Variants in ALG14 observed in about 807,000 individuals in gnomAD.
The protein encoded by ALG14 is ALG14 UDP-N-acetylglucosaminyltransferase subunit, also known as UDP-N-acetylglucosamine transferase subunit ALG14.
In ALG14, 17 loss-of-function variants were observed where a neutral mutation model predicts 22.8. The observed-to-expected ratio is 0.75, with a 90% confidence interval of 0.51 to 1.12. The LOEUF (loss-of-function observed/expected upper bound fraction) is 1.12. Among genes scored for constraint, ALG14 ranks in the 50% most tolerant of loss-of-function variants. ALG14 has a pLI of 0.00. For synonymous variants in ALG14, 89 were observed against 103.7 expected (o/e 0.86, Z 0.86); for missense variants, 288 against 271.8 (o/e 1.06, Z -0.42).
chr1:95,030,215 C>T (rs1429567968), intron 2 of ALG14, among the ~76,000 whole-genome samples: 1 of 152,056 alleles, frequency 6.6e-6, no homozygotes, highest in Non-Finnish European at 1.5e-5. Context: ...TGCAACAATA[C>T]ATGAATATTC....
chr1:94,985,121 C>T (rs1178834860), intron 3 of ALG14, among the ~76,000 whole-genome samples: 2 of 151,988 alleles, frequency 1.3e-5, no homozygotes, highest in African/African-American at 2.4e-5. Context: ...TGCTTCAGGT[C>T]ACTTTTTTTT....
intron 2 of ALG14, among the ~76,000 whole-genome samples, chr1:95,051,731 C>T (rs1266981474): frequency 6.6e-6 from 1 of 152,192 alleles, no homozygotes; most frequent in Non-Finnish European, 1.5e-5. Context: ...GGCCCCACCT[C>T]AGGGCCTTCT....
chr1:95,029,241 G>C (rs1673921011), intron 2 of ALG14, among the ~76,000 whole-genome samples: 1 of 152,172 alleles, frequency 6.6e-6, no homozygotes, highest in African/African-American at 2.4e-5. Flanking sequence ...TTGCTGGTTG[G>C]TGTCCTTAGT....
At chr1:95,023,604 A>C (rs1673727633) in intron 3 of ALG14, among the ~76,000 whole-genome samples, 1 of 152,256 alleles carries the variant, frequency 6.6e-6, no homozygotes, top group Non-Finnish European at 1.5e-5. Context: ...AAAGAGGCAG[A>C]GTATTAGGTT....
At chr1:94,985,670 A>G (rs1427821387) in intron 3 of ALG14, among the ~76,000 whole-genome samples, 2 of 152,340 alleles carry the variant, frequency 1.3e-5, no homozygotes, top group Non-Finnish European at 2.9e-5. Context: ...CTATACACAA[A>G]CTATGTATAC....
intron 3 of ALG14, among the ~76,000 whole-genome samples, chr1:95,021,480 T>C (rs1031553241): frequency 6.6e-6 from 1 of 152,226 alleles, no homozygotes; most frequent in Admixed American, 6.5e-5. Flanking sequence ...ACATATTCAA[T>C]TATCGGTGCT....
rs921868405 is a variant in ALG14 at position 94,981,641 on chromosome 1, T to C, written c.*1435A>G. ...TTAAGAGGAAAAAACCTATATATAC[T>C]ACAGGAGAGAATCTTCTCTTTTCTG... On this transcript the variant is annotated 3_prime_UTR_variant, in exon 4 of 4. Transcript: ENST00000370205. 2 of 150,754 alleles carry C rather than the reference T, an allele frequency of 1.3e-5. No individual in the cohort carries two copies. The highest frequency in any genetic ancestry group is 3.0e-5 in the Non-Finnish European group (2 of 67,712). The allele number at this position is 150,754 out of a possible 1,614,324, so 9.3% of individuals were successfully genotyped here. A position where few individuals can be genotyped will look rare whatever the true frequency, so the allele number is the denominator to read the frequency against.
chr1:95,043,581 G>A (rs2100801333), intron 2 of ALG14, among the ~76,000 whole-genome samples: 1 of 152,268 alleles, frequency 6.6e-6, no homozygotes, highest in African/African-American at 2.4e-5. Flanking sequence ...GCGGCTAAAT[G>A]ATCAGCAGTG....
At chr1:95,014,732 T>C (rs1673455755) in intron 3 of ALG14, among the ~76,000 whole-genome samples, 1 of 152,208 alleles carries the variant, frequency 6.6e-6, no homozygotes, top group Admixed American at 6.6e-5. Flanking sequence ...AATAAAAAGC[T>C]TATAACAAAA....
Position 94,975,594 on chromosome 1 carries a change from C to T in ALG14, c.*7482G>A, listed in dbSNP as rs566788202. 2 of 152,306 alleles carry T rather than the reference C, an allele frequency of 1.3e-5. No homozygotes were observed. Among genetic ancestry groups the T allele is most frequent in the East Asian group, 1.9e-4 (1 of 5,178 alleles). 9.4% of individuals were successfully genotyped at this position (152,306 alleles called of 1,614,324 possible). ...TTTCCACAGCTGCTGCACCATTCTA[C>T]ATTCCTACCAGCAATGTAGGAGGGC... On this transcript the variant is annotated 3_prime_UTR_variant, in exon 4 of 4. Coordinates refer to ENST00000370205, the MANE Select transcript of ALG14 (RefSeq NM_144988.4).
At chr1:94,998,190 T>C (rs1336021956) in intron 3 of ALG14, among the ~76,000 whole-genome samples, 1 of 152,218 alleles carries the variant, frequency 6.6e-6, no homozygotes, top group East Asian at 1.9e-4. Context: ...TGGAATTATC[T>C]TAACCAGGAT....
At chr1:95,049,213 T>C (rs1674663714) in intron 2 of ALG14, among the ~76,000 whole-genome samples, 1 of 152,096 alleles carries the variant, frequency 6.6e-6, no homozygotes, top group East Asian at 1.9e-4. Flanking sequence ...AGGTTATAAT[T>C]ACAAAAAGAT....
intron 2 of ALG14, among the ~76,000 whole-genome samples, chr1:95,034,195 G>A (rs999207424): frequency 6.6e-6 from 1 of 152,048 alleles, no homozygotes; most frequent in East Asian, 2.0e-4. Context: ...TACCCACTCA[G>A]AGGGGAGACA....
intron 3 of ALG14, among the ~76,000 whole-genome samples, chr1:94,986,788 T>A (rs990759619): frequency 3.3e-5 from 5 of 150,986 alleles, no homozygotes; most frequent in Non-Finnish European, 5.9e-5. Context: ...TTTTTTTTTT[T>A]AACCATCCCA....
chr1:95,016,940 G>A (rs534185713), intron 3 of ALG14, among the ~76,000 whole-genome samples: 1 of 118,594 alleles, frequency 8.4e-6, no homozygotes, highest in Admixed American at 9.0e-5. Context: ...TTTTGCAAAA[G>A]GGGTGTGTGT....
At position 95,056,830 on chromosome 1, in the gene ALG14, G is replaced by A. The variant is rs553362793; in HGVS notation, c.288+8036C>T. 2.6e-5 allele frequency among the ~76,000 whole-genome samples: 4 copies of A among 151,796 alleles called. 1 individual carries two copies. Among genetic ancestry groups the A allele is most frequent in the East Asian group, 4.0e-4 (2 of 4,988 alleles). ...TCCCAGCACTTTGGGAGGCCAAGGC[G>A]GGCGGATCACGTGGTCAGGAGTTCG... On this transcript the variant is annotated intron_variant, in intron 2 of 3. Coordinates refer to ENST00000370205, the MANE Select transcript of ALG14 (RefSeq NM_144988.4).
At chr1:95,055,337 T>C (rs904938929) in intron 2 of ALG14, among the ~76,000 whole-genome samples, 12 of 152,148 alleles carry the variant, frequency 7.9e-5, no homozygotes, top group African/African-American at 2.7e-4. Context: ...AGTAAGTAGA[T>C]CTTCTAAGAT....
intron 2 of ALG14, among the ~76,000 whole-genome samples, chr1:95,040,275 T>A (rs999233503): frequency 2.6e-5 from 4 of 152,292 alleles, no homozygotes; most frequent in African/African-American, 9.6e-5. Context: ...AGGGGTTGAT[T>A]CACACAAGGT....
chr1:94,997,258 G>A (rs2100729309), intron 3 of ALG14, among the ~76,000 whole-genome samples: 1 of 152,246 alleles, frequency 6.6e-6, no homozygotes, highest in Non-Finnish European at 1.5e-5. Context: ...CCTCATTGGT[G>A]GGGCTCAGTC....
Sources: allele counts gnomAD v4.1 joint callset (sites outside exome capture counted in the v4.1 genomes callset), GRCh38; gene constraint gnomAD v4.1.1; transcripts MANE v1.5; gene names NCBI Gene and HGNC (gene_info 2026-07-23, HGNC 2026-07-21).